The following ACOXL variants were observed in gnomAD, a reference collection of about 807,000 sequenced individuals.
ACOXL encodes the protein acyl-coenzyme A oxidase-like protein.
In ACOXL, 70 loss-of-function variants were observed where a neutral mutation model predicts 71.9. The observed-to-expected ratio is 0.97, with a 90% CI of 0.80 to 1.19. ACOXL has a LOEUF of 1.19. ACOXL is among the 50% of genes most tolerant of loss of function. ACOXL has a pLI of 0.00. For missense variants in ACOXL, 703 were observed against 736.3 expected (o/e 0.95, Z 0.52); for synonymous variants, 253 against 281.6 (o/e 0.90, Z 1.02).
At chr2:110,774,463 A>C (rs1024945889) in intron 2 of ACOXL, among the ~76,000 whole-genome samples, 4 of 152,236 alleles carry the variant, frequency 2.6e-5, no homozygotes, top group African/African-American at 9.6e-5. Context: ...GTTAGAACTA[A>C]TAAATTCAGC....
chr2:110,872,440 G>A (rs544728224), intron 10 of ACOXL, among the ~76,000 whole-genome samples: 1 of 152,330 alleles, frequency 6.6e-6, no homozygotes, highest in South Asian at 2.1e-4. Context: ...ATAGGGTGGT[G>A]CCCAACCAGG....
intron 10 of ACOXL, among the ~76,000 whole-genome samples, chr2:110,904,226 G>A (rs973524805): frequency 6.6e-6 from 1 of 152,138 alleles, no homozygotes; most frequent in East Asian, 1.9e-4. Context: ...AGCCTGTGGT[G>A]GAATGGGCTA....
intron 16 of ACOXL, among the ~76,000 whole-genome samples, chr2:111,050,116 G>A (rs182362339): frequency 3.3e-4 from 50 of 152,160 alleles, no homozygotes; most frequent in Non-Finnish European, 6.0e-4. Context: ...CCAGGAAACC[G>A]CGTGCACCAG....
intron 10 of ACOXL, among the ~76,000 whole-genome samples, chr2:110,877,346 A>C (rs1696054082): frequency 6.6e-6 from 1 of 152,194 alleles, no homozygotes; most frequent in Non-Finnish European, 1.5e-5. Context: ...TTGACTCTTC[A>C]ACAGCCCCGA....
chr2:110,861,637 C>T (rs1351567952), intron 10 of ACOXL, among the ~76,000 whole-genome samples: 3 of 152,178 alleles, frequency 2.0e-5, no homozygotes, highest in Non-Finnish European at 4.4e-5. Context: ...TTTCAAAACA[C>T]GGGGTTAAAT....
intron 10 of ACOXL, among the ~76,000 whole-genome samples, chr2:110,841,908 T>C (rs1427386018): frequency 6.6e-6 from 1 of 152,150 alleles, no homozygotes; most frequent in Non-Finnish European, 1.5e-5. Context: ...TTGTGAAAAA[T>C]GTTTGTTTCT....
At chr2:110,740,467 C>T (rs1326380689) in intron 1 of ACOXL, among the ~76,000 whole-genome samples, 1 of 152,174 alleles carries the variant, frequency 6.6e-6, no homozygotes, top group Non-Finnish European at 1.5e-5. Context: ...ACACTGGCAG[C>T]CTGCAGCCCC....
At chr2:110,988,302 G>C (rs542719465) in intron 13 of ACOXL, among the ~76,000 whole-genome samples, 1 of 152,022 alleles carries the variant, frequency 6.6e-6, no homozygotes, top group African/African-American at 2.4e-5. Flanking sequence ...TTAGCCAGGC[G>C]TGGTGGCACA....
intron 3 of ACOXL, among the ~76,000 whole-genome samples, chr2:110,793,406 G>C (rs919422724): frequency 2.0e-5 from 3 of 152,168 alleles, no homozygotes; most frequent in Non-Finnish European, 4.4e-5. Context: ...GGATCTGGGA[G>C]GCCTGAGGAT....
chr2:110,748,891 C>G (rs1458292702), intron 1 of ACOXL, among the ~76,000 whole-genome samples: 1 of 152,148 alleles, frequency 6.6e-6, no homozygotes, highest in African/African-American at 2.4e-5. Flanking sequence ...CCGTTTTCAA[C>G]AAGAAGAGAA....
At chr2:110,736,961 C>G (rs1676936850) in intron 1 of ACOXL, among the ~76,000 whole-genome samples, 1 of 152,066 alleles carries the variant, frequency 6.6e-6, no homozygotes, top group Non-Finnish European at 1.5e-5. Context: ...GACATTTGGC[C>G]CCCAGCCACT....
At chr2:110,946,304 T>C (rs2061106533) in intron 12 of ACOXL, among the ~76,000 whole-genome samples, 1 of 152,230 alleles carries the variant, frequency 6.6e-6, no homozygotes, top group South Asian at 2.1e-4. Context: ...AGGTTTTATA[T>C]ATCTAGAATT....
chr2:110,742,856 C>T (rs1677718575), intron 1 of ACOXL, among the ~76,000 whole-genome samples: 1 of 152,062 alleles, frequency 6.6e-6, no homozygotes, highest in Non-Finnish European at 1.5e-5. Context: ...GATATGATCC[C>T]AAAAGCATAG....
At chr2:111,015,217 T>TAC (rs1206294933) in intron 14 of ACOXL, among the ~76,000 whole-genome samples, 2 of 152,246 alleles carry the variant, frequency 1.3e-5, no homozygotes, top group Non-Finnish European at 2.9e-5. Flanking sequence ...GCAATACCTG[T>TAC]ATCTGGCAAA....
intron 12 of ACOXL, among the ~76,000 whole-genome samples, chr2:110,983,721 A>G (rs188852427): frequency 2.6e-5 from 4 of 152,376 alleles, no homozygotes; most frequent in African/African-American, 9.6e-5. Context: ...ATAATGTTTC[A>G]CTTTACAAAA....
chr2:111,068,675 G>C (rs568023722), intron 16 of ACOXL, among the ~76,000 whole-genome samples: 64 of 152,240 alleles, frequency 4.2e-4, no homozygotes, highest in African/African-American at 1.5e-3. Context: ...CTGCCTCTAG[G>C]GAGTCTTGCC....
At chr2:110,935,169 C>A (rs1421437858) in intron 12 of ACOXL, among the ~76,000 whole-genome samples, 3 of 152,088 alleles carry the variant, frequency 2.0e-5, no homozygotes, top group African/African-American at 7.2e-5. Flanking sequence ...GGTGTTGGGG[C>A]ACTGCTGGGG....
chr2:111,009,044 C>T (rs575126645), intron 14 of ACOXL, among the ~76,000 whole-genome samples: 3 of 152,228 alleles, frequency 2.0e-5, no homozygotes, highest in Admixed American at 6.5e-5. Flanking sequence ...ACTTGTCTTT[C>T]GACTTTGTTC....
intron 16 of ACOXL, among the ~76,000 whole-genome samples, chr2:111,084,308 C>CACACAA (rs2068091171): frequency 7.6e-6 from 1 of 132,338 alleles, no homozygotes; most frequent in South Asian, 2.4e-4. Flanking sequence ...CACACACACA[C>CACACAA]AAGAAGTGGA....
Sources: gnomAD v4.1 joint callset for allele counts (sites outside exome capture counted in the v4.1 genomes callset) on GRCh38, gnomAD v4.1.1 for gene constraint, MANE v1.5 for transcripts, NCBI Gene and HGNC (gene_info 2026-07-23, HGNC 2026-07-21) for gene names.